The following ATP8B3 variants were observed in gnomAD, a reference collection of about 807,000 sequenced individuals.
ATP8B3 encodes ATPase phospholipid transporting 8B3, also known as phospholipid-transporting ATPase IK.
ATP8B3 carries 141 observed loss-of-function variants against 140.9 expected under a neutral mutation model. The observed-to-expected ratio is 1.00, with a 90% confidence interval of 0.87 to 1.15. ATP8B3 has a LOEUF of 1.15. Among genes scored for constraint, ATP8B3 ranks in the 50% most tolerant of loss-of-function variants. The pLI is 0.00. For missense variants in ATP8B3, 1,874 were observed against 1,740.6 expected, an observed-to-expected ratio of 1.08 and a Z score of -1.36; for synonymous variants, 765 against 714.6, an observed-to-expected ratio of 1.07 and a Z score of -1.13.
rs2068415722 is a variant in ATP8B3, at chr19:1,789,413, C to G, written c.2793G>C (p.Gln931His). The change falls in exon 23 of 29, where the codon CAG becomes CAC. Residue 931 changes from glutamine to histidine, a missense_variant. This residue lies in a region of ATP8B3 where 840 missense variants were observed against 760.9 expected (regional missense o/e 1.10). Transcript: ENST00000310127. The stretch of plus-strand genomic sequence containing the variant: ...CGTCCCCGATGGCCAGGGTCACCAC[C>G]TGGTGGTACTTCTTGACCAGGGCCA... ...LIVALVKKYH[Q>H]VVTLAIGDGA... 3.1e-6 allele frequency: 5 copies of G among 1,597,622 alleles called. No individual in the cohort carries two copies. Among genetic ancestry groups the G allele is most frequent in the Non-Finnish European group, 4.2e-6 (5 of 1,177,126 alleles).
rs1222606920 is a variant in ATP8B3, at chr19:1,802,559, T to C, written c.991A>G (p.Ile331Val). ...EWNDKKYSLD[I>V]GNLLLRGCRI... is the part of the protein sequence containing the mutation. The stretch of plus-strand genomic sequence containing the variant: ...CAGCCTCGGAGGAGGAGGTTGCCAA[T>C]GTCCAGGGAGTATTTCTTGTCATTC... The change falls in exon 11 of 29, where the codon ATT becomes GTT. Residue 331 changes from isoleucine to valine, a missense_variant. Transcript: ENST00000310127. 15 of 1,610,786 alleles carry C rather than the reference T, an allele frequency of 9.3e-6. No homozygotes were observed. The highest frequency in any genetic ancestry group is 1.3e-5 in the African/African-American group (1 of 74,290).
intron 10 of ATP8B3, among the ~76,000 whole-genome samples, chr19:1,803,166 C>A (rs987177403): frequency 1.3e-5 from 2 of 152,170 alleles, no homozygotes; most frequent in African/African-American, 4.8e-5. Context: ...GCCCCCCATT[C>A]ACCAACACCC....
At chr19:1,811,212 C>T (rs2069178356) in intron 2 of ATP8B3, among the ~76,000 whole-genome samples, 1 of 152,212 alleles carries the variant, frequency 6.6e-6, no homozygotes, top group South Asian at 2.1e-4. Flanking sequence ...TGGCCACTCC[C>T]CTCCTCACCC....
chr19:1,811,220 C>T (rs1054302328), intron 2 of ATP8B3, among the ~76,000 whole-genome samples: 2 of 152,152 alleles, frequency 1.3e-5, no homozygotes, highest in African/African-American at 2.4e-5. Flanking sequence ...CCCCTCCTCA[C>T]CCCCCCAGGC....
intron 4 of ATP8B3, 97 bp downstream of exon 4, chr19:1,809,546 C>A (rs1453103762): frequency 1.0e-6 from 1 of 985,304 alleles, no homozygotes; most frequent in Admixed American, 2.4e-5. Flanking sequence ...CGAGCAAATA[C>A]AAGCAGAGGC....
chr19:1,790,941 G>GC, intron 20 of ATP8B3, 109 bp from the exon 21 acceptor site: 1 of 892,190 alleles, frequency 1.1e-6, no homozygotes, highest in Non-Finnish European at 1.7e-6. Context: ...GCAGCCACAT[G>GC]CCCCACCCCC....
In ATP8B3 at chr19:1,807,758, G is replaced by A. The variant is rs1041255933; in HGVS notation, c.516+464C>T. Among the ~76,000 whole-genome samples, 2 of 152,292 alleles carry A rather than the reference G, an allele frequency of 1.3e-5. No individual in the cohort carries two copies. The highest frequency in any genetic ancestry group is 2.9e-5 in the Non-Finnish European group (2 of 68,052). ...AATGAGATGTTGGGTGAGAGTGTTT[G>A]CTCTGAAAACAGCGCCCCTGGCCGG... is the stretch of plus-strand genomic sequence containing the variant. On this transcript the variant is annotated intron_variant, in intron 5 of 28. Transcript: ENST00000310127. This position sits in a 1 kb window ranked among gnomAD's most constrained non-coding sequence, Gnocchi z 5.9.
At chr19:1,804,800 C>G (rs2068962182) in intron 10 of ATP8B3, among the ~76,000 whole-genome samples, 1 of 152,130 alleles carries the variant, frequency 6.6e-6, no homozygotes, top group African/African-American at 2.4e-5. Flanking sequence ...GAGCGAAACT[C>G]CGTCTCAAAA....
In ATP8B3 at chr19:1,805,508, G is replaced by T; in HGVS notation, c.822-52C>A. 7.0e-7 allele frequency: 1 copy of T among 1,429,272 alleles called. No individual in the cohort carries two copies. Among genetic ancestry groups the T allele is most frequent in the Non-Finnish European group, 9.7e-7 (1 of 1,036,198 alleles). 88.5% of individuals were successfully genotyped at this position (1,429,272 alleles called of 1,614,324 possible). On this transcript the variant is annotated intron_variant, in intron 9 of 28. Transcript: ENST00000310127. The surrounding 1 kb of genome is among the most constrained non-coding windows in gnomAD (Gnocchi z 5.2). The stretch of plus-strand genomic sequence containing the variant: ...AAAGTGGAGTTGATGGATGCTTCGA[G>T]GAGCCCCCAGACCCCTTCTGGAGTC...
intron 11 of ATP8B3, 110 bp from the exon 12 acceptor site, chr19:1,802,154 C>T: frequency 1.5e-6 from 1 of 685,860 alleles, no homozygotes; most frequent in Non-Finnish European, 2.3e-6. Flanking sequence ...CCTACCCATC[C>T]ACCCCTCACC....
intron 2 of ATP8B3, 101 bp from the exon 3 acceptor site, chr19:1,810,784 A>G: frequency 9.3e-7 from 1 of 1,071,468 alleles, no homozygotes; most frequent in Non-Finnish European, 1.3e-6. Flanking sequence ...GACCCTCTCA[A>G]ATGCTACCTC....
Position 1,805,970 on chromosome 19 carries a change from TG to T in ATP8B3, c.751-13del, listed in dbSNP as rs1352701173. ...AAGAGCATGTCGGCCTGGTGTGGAG[TG>T]GGGGGCAGCGTTGCAAGAGGGGATG... On this transcript the variant is annotated splice_polypyrimidine_tract_variant and intron_variant, in intron 8 of 28. Transcript: ENST00000310127. This position sits in a 1 kb window ranked among gnomAD's most constrained non-coding sequence, Gnocchi z 5.2. 6 of 1,610,310 alleles carry T rather than the reference TG, an allele frequency of 3.7e-6. No homozygotes were observed. Among genetic ancestry groups the T allele is most frequent in the Non-Finnish European group, 5.1e-6 (6 of 1,179,272 alleles).
intron 12 of ATP8B3, among the ~76,000 whole-genome samples, chr19:1,801,377 C>T (rs982643948): frequency 2.0e-5 from 3 of 152,108 alleles, no homozygotes; most frequent in African/African-American, 7.2e-5. Context: ...TCTCAAACTC[C>T]CAACCTCAGG....
rs1568647103 is a variant in ATP8B3, at chr19:1,800,530, A to G, written c.1153-81T>C. On this transcript the variant is annotated intron_variant, in intron 12 of 28. Coordinates refer to ENST00000310127, the MANE Select transcript of ATP8B3 (RefSeq NM_138813.4). The surrounding 1 kb of genome is among the most constrained non-coding windows in gnomAD (Gnocchi z 4.4). Reference sequence around the variant, plus strand: ...ATCAGGATGGGGTAAACACAAAGATAAGGCTGGGGCTGGGCACAGTGGCTC... The same window carrying G: ...ATCAGGATGGGGTAAACACAAAGATGAGGCTGGGGCTGGGCACAGTGGCTC... The G allele has an allele frequency of 1.5e-6, 2 of 1,315,556 alleles. No homozygotes were observed. The highest frequency in any genetic ancestry group is 2.3e-5 in the East Asian group (1 of 43,486). 81.5% of individuals were successfully genotyped at this position (1,315,556 alleles called of 1,614,324 possible).
intron 3 of ATP8B3, among the ~76,000 whole-genome samples, chr19:1,810,267 C>CT (rs1037336855): frequency 2.6e-5 from 4 of 152,150 alleles, no homozygotes; most frequent in African/African-American, 9.6e-5. Flanking sequence ...GCACTTTTTT[C>CT]TTTTTTTTGA....
At position 1,806,064 on chromosome 19, in the gene ATP8B3, G is replaced by C. The variant is rs1158232133; in HGVS notation, c.750+33C>G. 1 of 1,602,718 alleles carries C rather than the reference G, an allele frequency of 6.2e-7. No individual in the cohort carries two copies. The highest frequency in any genetic ancestry group is 8.5e-7 in the Non-Finnish European group (1 of 1,175,406). On this transcript the variant is annotated intron_variant, in intron 8 of 28. Coordinates refer to ENST00000310127, the MANE Select transcript of ATP8B3 (RefSeq NM_138813.4). The surrounding 1 kb of genome is among the most constrained non-coding windows in gnomAD (Gnocchi z 5.6). ...GGGTGCTCTCGGTGAGGGGGCGCGT[G>C]GTTCTGGGACCTCGGGGTCAACCCC... is the stretch of plus-strand genomic sequence containing the variant.
chr19:1,804,292 G>A (rs944510171), intron 10 of ATP8B3, among the ~76,000 whole-genome samples: 14 of 152,084 alleles, frequency 9.2e-5, no homozygotes, highest in Non-Finnish European at 1.9e-4. Flanking sequence ...TGAGGAGTTC[G>A]AGACCAGCCT....
At chr19:1,811,282 G>T (rs1419595380) in intron 2 of ATP8B3, among the ~76,000 whole-genome samples, 1 of 152,178 alleles carries the variant, frequency 6.6e-6, no homozygotes, top group Non-Finnish European at 1.5e-5. Flanking sequence ...ATCGTCAGAA[G>T]ATCCTGGAAT....
At chr19:1,811,107 T>C (rs1467965208) in intron 2 of ATP8B3, among the ~76,000 whole-genome samples, 1 of 152,182 alleles carries the variant, frequency 6.6e-6, no homozygotes, top group Admixed American at 6.5e-5. Context: ...TCTCCCCATG[T>C]GGCACCAGCT....
Sources: gnomAD v4.1 joint callset for allele counts (sites outside exome capture counted in the v4.1 genomes callset) on GRCh38, gnomAD v4.1.1 for gene constraint, gnomAD v4.1.1 regional missense constraint, Gnocchi (gnomAD v3.1) non-coding constraint, MANE v1.5 for transcripts, NCBI Gene and HGNC (gene_info 2026-07-23, HGNC 2026-07-21) for gene names.